KCNMA1: variants seen among roughly 807,000 people sequenced by gnomAD.
KCNMA1 encodes Calcium-activated potassium channel subunit alpha-1.
A neutral mutation model predicts 140.0 loss-of-function variants in KCNMA1; 29 were observed. That is an observed-to-expected ratio of 0.21 (90% CI 0.15 to 0.28). KCNMA1 has a LOEUF of 0.28. Among genes scored for constraint, KCNMA1 ranks in the 10% least tolerant of loss-of-function variants. The probability of loss-of-function intolerance (pLI) is 1.00; values close to 1 mark genes in which losing one functional copy is unlikely to be tolerated. For missense variants in KCNMA1, 880 were observed against 1,602.2 expected (o/e 0.55, Z 7.70); for synonymous variants, 612 against 611.9 (o/e 1.00, Z 0.00).
chr10:77,079,041 C>T (rs12773905), intron 13 of KCNMA1, among the ~76,000 whole-genome samples: 12,359 of 152,134 alleles, frequency 0.081, 644 homozygotes, highest in Non-Finnish European at 0.12. Context: ...GAGGCCGAGG[C>T]GGGCAGATCA....
intron 2 of KCNMA1, among the ~76,000 whole-genome samples, chr10:77,252,368 G>A (rs7086619): frequency 0.18 from 27,230 of 152,184 alleles, 2,703 homozygotes; most frequent in Middle Eastern, 0.23. Flanking sequence ...TGGCTGCTAG[G>A]TCAACCTTTC....
chr10:77,608,634 C>A (rs1436516030), intron 1 of KCNMA1, among the ~76,000 whole-genome samples: 2 of 152,188 alleles, frequency 1.3e-5, no homozygotes, highest in Non-Finnish European at 2.9e-5. Context: ...AATCTAGTCA[C>A]TGATGATGGA....
chr10:77,506,730 G>A (rs1248443066), intron 1 of KCNMA1, among the ~76,000 whole-genome samples: 1 of 149,620 alleles, frequency 6.7e-6, no homozygotes, highest in African/African-American at 2.5e-5. Context: ...GAGAGAGTGT[G>A]TGTGTGTGTG....
At chr10:77,616,596 A>C (rs2089594781) in intron 1 of KCNMA1, among the ~76,000 whole-genome samples, 1 of 152,216 alleles carries the variant, frequency 6.6e-6, no homozygotes, top group South Asian at 2.1e-4. Flanking sequence ...ACTTGAGATC[A>C]GGAGTTCGAG....
In KCNMA1 at chr10:76,888,712, C is replaced by T. The variant is rs191277977; in HGVS notation, c.3461+739G>A. ...AAATAAATATATAAAAGTTAAAAAG[C>T]GAGTCAATTTAAAATATGTGAAGTA... is the stretch of plus-strand genomic sequence containing the variant. On this transcript the variant is annotated intron_variant, in intron 27 of 27. Coordinates refer to ENST00000286628, the MANE Select transcript of KCNMA1 (RefSeq NM_001161352.2). 4.6e-4 allele frequency among the ~76,000 whole-genome samples: 70 copies of T among 152,134 alleles called. 2 individuals carry two copies. In the South Asian group the frequency reaches 0.011, roughly 24 times the overall value.
At chr10:77,074,326 A>G (rs1036819606) in intron 13 of KCNMA1, among the ~76,000 whole-genome samples, 2 of 152,236 alleles carry the variant, frequency 1.3e-5, no homozygotes, top group Non-Finnish European at 2.9e-5. Flanking sequence ...TGAACATTTC[A>G]TTCTGTTGTG....
intron 23 of KCNMA1, among the ~76,000 whole-genome samples, chr10:76,928,512 A>G (rs969465416): frequency 6.6e-6 from 1 of 152,166 alleles, no homozygotes; most frequent in African/African-American, 2.4e-5. Flanking sequence ...CATAAAACAC[A>G]TTCCAATAAA....
At chr10:77,122,680 G>T (rs1052534848) in intron 5 of KCNMA1, among the ~76,000 whole-genome samples, 8 of 152,156 alleles carry the variant, frequency 5.3e-5, no homozygotes, top group African/African-American at 1.9e-4. Flanking sequence ...GCAAAGGCCA[G>T]GACATAACAG....
intron 1 of KCNMA1, among the ~76,000 whole-genome samples, chr10:77,577,930 T>G (rs2074720304): frequency 1.3e-5 from 2 of 152,204 alleles, no homozygotes. Context: ...TTGATAAACA[T>G]CCAGTAAGGA....
chr10:77,555,858 T>TCGTATTTGGGGGCC (rs2064185872), intron 1 of KCNMA1, among the ~76,000 whole-genome samples: 1 of 151,990 alleles, frequency 6.6e-6, no homozygotes, highest in African/African-American at 2.4e-5. Flanking sequence ...GAAATCTTGT[T>TCGTATTTGGGGGCC]TCTGGTTCTG....
At chr10:76,898,170 A>T (rs1282340157) in intron 25 of KCNMA1, among the ~76,000 whole-genome samples, 1 of 151,930 alleles carries the variant, frequency 6.6e-6, no homozygotes, top group Non-Finnish European at 1.5e-5. Flanking sequence ...ACTTGTTCAA[A>T]TGCCAAAATC....
rs371170620 is a variant in KCNMA1 at position 77,171,386 on chromosome 10, CGTGTGT to C, written c.808+12029_808+12034del. On this transcript the variant is annotated intron_variant, in intron 5 of 27. Transcript: ENST00000286628. ...GAATAGATTTCGGAAAGTACGTGTGCGTGTGTGTGTGTGCGTGTGTGTGTGTGTGTG... is the reference window on the plus strand; with the variant it reads ...GAATAGATTTCGGAAAGTACGTGTGCGTGTGTGCGTGTGTGTGTGTGTGTG... Among the ~76,000 whole-genome samples, 5 of 137,158 alleles carry C rather than the reference CGTGTGT, an allele frequency of 3.6e-5. No homozygotes were observed. In the East Asian group the frequency reaches 9.4e-4, roughly 26 times the overall value. The allele number at this position is 137,158 out of a possible 152,430, so 90.0% of individuals were successfully genotyped here. A position where few individuals can be genotyped will look rare whatever the true frequency, so the allele number is the denominator to read the frequency against.
chr10:76,989,431 A>G (rs2082148735), intron 19 of KCNMA1, among the ~76,000 whole-genome samples: 1 of 152,168 alleles, frequency 6.6e-6, no homozygotes, highest in Admixed American at 6.5e-5. Flanking sequence ...GATTTATAAC[A>G]GTAAGGATTG....
chr10:77,144,412 T>A (rs1035082438), intron 5 of KCNMA1, among the ~76,000 whole-genome samples: 17 of 152,182 alleles, frequency 1.1e-4, no homozygotes, highest in African/African-American at 2.9e-4. Context: ...GATTTTTTTA[T>A]GTTCAAGGGA....
intron 2 of KCNMA1, among the ~76,000 whole-genome samples, chr10:77,372,370 G>A (rs955956455): frequency 6.6e-6 from 1 of 152,192 alleles, no homozygotes. Flanking sequence ...TAAATGGAAA[G>A]TGCCTTACTT....
At chr10:77,029,654 AGGG>A (rs2093766007) in intron 15 of KCNMA1, among the ~76,000 whole-genome samples, 1 of 152,208 alleles carries the variant, frequency 6.6e-6, no homozygotes, top group Non-Finnish European at 1.5e-5. Flanking sequence ...GTAACTCAGA[AGGG>A]GTATATCATC....
chr10:77,517,459 G>A (rs2050977617), intron 1 of KCNMA1, among the ~76,000 whole-genome samples: 1 of 152,214 alleles, frequency 6.6e-6, no homozygotes. Flanking sequence ...TGCAGTGCAG[G>A]ACATGGGCGT....
At chr10:76,985,045 G>GC (rs2080854467) in intron 19 of KCNMA1, among the ~76,000 whole-genome samples, 1 of 152,180 alleles carries the variant, frequency 6.6e-6, no homozygotes, top group Non-Finnish European at 1.5e-5. Flanking sequence ...CGGCTTGCAG[G>GC]CCATCTGTCT....
chr10:77,328,885 G>C (rs1394015412), intron 2 of KCNMA1, among the ~76,000 whole-genome samples: 2 of 151,960 alleles, frequency 1.3e-5, no homozygotes, highest in Admixed American at 6.6e-5. Context: ...CTGTCACCCA[G>C]GCTGGAGTGC....
Sources: gnomAD v4.1 joint callset for allele counts (sites outside exome capture counted in the v4.1 genomes callset) on GRCh38, gnomAD v4.1.1 for gene constraint, MANE v1.5 for transcripts, NCBI Gene and HGNC (gene_info 2026-07-23, HGNC 2026-07-21) for gene names.